Variants in SIPA1L2 observed in about 807,000 individuals in gnomAD.
SIPA1L2 encodes signal induced proliferation associated 1 like 2.
SIPA1L2 carries 56 observed loss-of-function variants against 163.9 expected under a neutral mutation model. The ratio of observed to expected loss-of-function variants is 0.34; its 90% CI spans 0.28 to 0.43. The LOEUF (loss-of-function observed/expected upper bound fraction) is 0.43, where lower values mean the gene tolerates loss of function less well. Among genes scored for constraint, SIPA1L2 ranks in the 20% least tolerant of loss-of-function variants. The pLI is 1.00. For missense variants in SIPA1L2, 1,974 were observed against 2,193.5 expected, an observed-to-expected ratio of 0.90 and a Z score of 2.00; for synonymous variants, 877 against 865.7, an observed-to-expected ratio of 1.01 and a Z score of -0.23.
intron 16 of SIPA1L2, among the ~76,000 whole-genome samples, chr1:232,430,026 G>A (rs1558169352): frequency 6.6e-6 from 1 of 152,192 alleles, no homozygotes; most frequent in Admixed American, 6.5e-5. Flanking sequence ...TGCTAAACTA[G>A]TAATTTAAAG....
intron 7 of SIPA1L2, among the ~76,000 whole-genome samples, chr1:232,479,401 T>C (rs959564893): frequency 2.0e-5 from 3 of 152,290 alleles, no homozygotes; most frequent in East Asian, 1.9e-4. Flanking sequence ...TAGCAAGCAA[T>C]AGATCTGAGT....
chr1:232,408,856 C>A (rs894391187), intron 19 of SIPA1L2, among the ~76,000 whole-genome samples: 3 of 152,162 alleles, frequency 2.0e-5, no homozygotes, highest in South Asian at 2.1e-4. Context: ...TCCCATAATT[C>A]TAAATATTTA....
chr1:232,510,231 A>AT (rs1666917995), intron 3 of SIPA1L2, among the ~76,000 whole-genome samples: 1 of 149,118 alleles, frequency 6.7e-6, no homozygotes, highest in Non-Finnish European at 1.5e-5. Context: ...TCAATATGAA[A>AT]ATATATATAT....
At position 232,563,878 on chromosome 1, in the gene SIPA1L2, C is replaced by T. The variant is rs558952110; in HGVS notation, c.-270+10296G>A. Among the ~76,000 whole-genome samples, 54 of 151,582 alleles carry T rather than the reference C, an allele frequency of 3.6e-4. 1 individual carries two copies. The highest frequency in any genetic ancestry group is 1.3e-3 in the African/African-American group (53 of 41,226). On this transcript the variant is annotated intron_variant, in intron 2 of 22. Transcript: ENST00000674635. ...TACAGGTGCCCGCCACCATGCCCAG[C>T]TAATTTTTGTATTTTTAGTAGAGAC...
chr1:232,486,088 C>G (rs1479616696), intron 5 of SIPA1L2, among the ~76,000 whole-genome samples: 3 of 152,184 alleles, frequency 2.0e-5, no homozygotes, highest in Admixed American at 6.5e-5. Flanking sequence ...CAGCTTGCCT[C>G]AGTCTGCTCT....
chr1:232,451,095 T>C (rs1432793469), intron 10 of SIPA1L2, among the ~76,000 whole-genome samples: 2 of 152,206 alleles, frequency 1.3e-5, no homozygotes, highest in African/African-American at 4.8e-5. Flanking sequence ...TCTTGTGAAC[T>C]AGATTTTGCT....
At chr1:232,597,689 C>CAAAAAAAAAAA (rs376123118) in intron 1 of SIPA1L2, among the ~76,000 whole-genome samples, 3 of 65,400 alleles carry the variant, frequency 4.6e-5, no homozygotes, top group African/African-American at 1.2e-4. Flanking sequence ...AACTCTGTCT[C>CAAAAAAAAAAA]AAAAAAAAAA....
intron 10 of SIPA1L2, among the ~76,000 whole-genome samples, chr1:232,452,322 T>A (rs1013565771): frequency 6.6e-6 from 1 of 152,100 alleles, no homozygotes; most frequent in African/African-American, 2.4e-5. Flanking sequence ...AGAGGGGGTG[T>A]CCTATCTTGC....
At chr1:232,541,309 A>G (rs1215192573) in intron 2 of SIPA1L2, among the ~76,000 whole-genome samples, 1 of 152,128 alleles carries the variant, frequency 6.6e-6, no homozygotes, top group African/African-American at 2.4e-5. Context: ...AACAGAATAT[A>G]TCTTCTGGGC....
intron 18 of SIPA1L2, among the ~76,000 whole-genome samples, chr1:232,417,733 C>T (rs1194939185): frequency 6.6e-6 from 1 of 152,204 alleles, no homozygotes; most frequent in African/African-American, 2.4e-5. Context: ...TTCCTTCTCT[C>T]TCTGCAACTC....
chr1:232,627,299 T>C (rs116684684), intron 1 of SIPA1L2, among the ~76,000 whole-genome samples: 3,234 of 152,338 alleles, frequency 0.021, 43 homozygotes, highest in Middle Eastern at 0.054. Flanking sequence ...CCCTTTAAAC[T>C]AGTTTCGATG....
intron 1 of SIPA1L2, among the ~76,000 whole-genome samples, chr1:232,581,452 C>G (rs759499298): frequency 2.6e-5 from 4 of 151,764 alleles, no homozygotes; most frequent in Non-Finnish European, 4.4e-5. Context: ...AGAGCAAGGA[C>G]AGAGAGAGAG....
intron 15 of SIPA1L2, among the ~76,000 whole-genome samples, chr1:232,434,378 C>A (rs759515589): frequency 6.6e-6 from 1 of 152,152 alleles, no homozygotes; most frequent in Non-Finnish European, 1.5e-5. Flanking sequence ...ACAAACAAAG[C>A]GCCTCATCTA....
At chr1:232,435,971 C>T (rs1403524391) in intron 15 of SIPA1L2, among the ~76,000 whole-genome samples, 2 of 151,988 alleles carry the variant, frequency 1.3e-5, no homozygotes, top group African/African-American at 2.4e-5. Context: ...AAGGAATGTG[C>T]GTGTGTGTGC....
At chr1:232,534,346 A>G (rs1657173395) in intron 2 of SIPA1L2, among the ~76,000 whole-genome samples, 2 of 152,214 alleles carry the variant, frequency 1.3e-5, no homozygotes, top group Non-Finnish European at 2.9e-5. Context: ...ATACAAAAGC[A>G]TGATGTTGGA....
At chr1:232,436,795 G>A (rs1448036097) in intron 15 of SIPA1L2, among the ~76,000 whole-genome samples, 2 of 152,194 alleles carry the variant, frequency 1.3e-5, no homozygotes, top group African/African-American at 2.4e-5. Context: ...GCAGCTCGGG[G>A]GGCACGCAAG....
chr1:232,578,889 C>T (rs1442977058), intron 1 of SIPA1L2, among the ~76,000 whole-genome samples: 1 of 152,150 alleles, frequency 6.6e-6, no homozygotes, highest in Non-Finnish European at 1.5e-5. Context: ...TTATATGAGG[C>T]AACTGGCTAT....
rs1177533758 is a variant in SIPA1L2, at chr1:232,398,529, A to G, written c.*598T>C. The stretch of plus-strand genomic sequence containing the variant: ...ATAAATAAGTCTCTAAGGTAACTGC[A>G]TCTGAACTAGTGTTAAACACAACAG... On this transcript the variant is annotated 3_prime_UTR_variant, in exon 23 of 23. Coordinates refer to ENST00000674635, the MANE Select transcript of SIPA1L2 (RefSeq NM_020808.5). The G allele has an allele frequency of 6.6e-6, 1 of 151,318 alleles. No homozygotes were observed. Among genetic ancestry groups the G allele is most frequent in the Non-Finnish European group, 1.5e-5 (1 of 67,898 alleles). 9.4% of individuals were successfully genotyped at this position (151,318 alleles called of 1,614,324 possible).
chr1:232,402,587 A>G, intron 21 of SIPA1L2, 114 bp from the exon 22 acceptor site: 1 of 765,044 alleles, frequency 1.3e-6, no homozygotes, highest in Non-Finnish European at 2.1e-6. Flanking sequence ...GCAAGCAGAT[A>G]TATTATATTA....
Sources: gnomAD v4.1 joint callset for allele counts (sites outside exome capture counted in the v4.1 genomes callset) on GRCh38, gnomAD v4.1.1 for gene constraint, MANE v1.5 for transcripts, NCBI Gene and HGNC (gene_info 2026-07-23, HGNC 2026-07-21) for gene names.